The following RC3H2 variants were observed in gnomAD, a reference collection of about 807,000 sequenced individuals.
The protein encoded by RC3H2 is roquin-2.
Under a neutral mutation model 133.3 loss-of-function variants are expected in RC3H2, and 31 were observed. That is an observed-to-expected ratio of 0.23 (90% CI 0.17 to 0.31). The LOEUF (loss-of-function observed/expected upper bound fraction) is 0.31, where lower values mean the gene tolerates loss of function less well. Among genes scored for constraint, RC3H2 ranks in the 10% least tolerant of loss-of-function variants. The probability of loss-of-function intolerance (pLI) is 1.00; values close to 1 mark genes in which losing one functional copy is unlikely to be tolerated. For synonymous variants in RC3H2, 517 were observed against 502.2 expected (o/e 1.03, Z -0.40); for missense variants, 1,175 against 1,437.2 (o/e 0.82, Z 2.95).
intron 4 of RC3H2, 47 bp downstream of exon 4, chr9:122,890,265 C>T: frequency 1.3e-6 from 2 of 1,495,680 alleles, no homozygotes; most frequent in Non-Finnish European, 1.9e-6. Context: ...TTGGCATCCT[C>T]AAGCCCCAAT....
chr9:122,851,124 G>T lies in RC3H2; in HGVS notation c.3337C>A (p.Pro1113Thr). 1.2e-6 allele frequency: 2 copies of T among 1,614,074 alleles called. No homozygotes were observed. The highest frequency in any genetic ancestry group is 1.7e-6 in the Non-Finnish European group (2 of 1,180,026). The part of the protein sequence containing the change: ...HPVQQHQKEP[P>T]KQKKQSLGED... ...CCTAAACTCTGTTTCTTCTGCTTTG[G>T]TGGCTCCTTTTGGTGCTGCTGTACT... The change falls in exon 20 of 21, where the codon CCA (proline) becomes ACA (threonine). Residue 1113 changes from proline (P) to threonine (T), a missense_variant. Coordinates refer to ENST00000357244, the MANE Select transcript of RC3H2 (RefSeq NM_001100588.3).
chr9:122,851,521 T>C (rs1213236942), intron 18 of RC3H2, 85 bp from the exon 19 acceptor site: 2 of 1,520,490 alleles, frequency 1.3e-6, no homozygotes, highest in African/African-American at 1.4e-5. Flanking sequence ...TCTCCCTCTC[T>C]TTCCATGGTC....
chr9:122,845,295 T>C lies in RC3H2; in HGVS notation c.*4332A>G, dbSNP rs976048729. The C allele has an allele frequency of 6.6e-6, 1 of 152,220 alleles. No individual in the cohort carries two copies. The highest frequency in any genetic ancestry group is 2.4e-5 in the African/African-American group (1 of 41,462). The allele number at this position is 152,220 out of a possible 1,614,324, so 9.4% of individuals were successfully genotyped here. A position where few individuals can be genotyped will look rare whatever the true frequency, so the allele number is the denominator to read the frequency against. On this transcript the variant is annotated 3_prime_UTR_variant, in exon 21 of 21. Coordinates refer to ENST00000357244, the MANE Select transcript of RC3H2 (RefSeq NM_001100588.3). ...AGCAGTTGCTGCAAGCTAACCACGA[T>C]ACTCCCAAGTGGCTGTACAGTGGAT...
At chr9:122,905,048 A>G (rs1832789866) in intron 1 of RC3H2, 62 bp downstream of exon 1, 1 of 972,232 alleles carries the variant, frequency 1.0e-6, no homozygotes, top group Admixed American at 6.2e-5. Context: ...CTCCCGCCCG[A>G]CCGCCGGGGA....
At chr9:122,901,742 C>A (rs1234604921) in intron 1 of RC3H2, among the ~76,000 whole-genome samples, 3 of 150,306 alleles carry the variant, frequency 2.0e-5, no homozygotes, top group East Asian at 2.0e-4. Context: ...CAAGTGCGCA[C>A]CACCATGCCC....
Position 122,883,344 on chromosome 9 carries a change from C to A in RC3H2, c.619G>T (p.Ala207Ser). 1 of 1,610,648 alleles carries A rather than the reference C, an allele frequency of 6.2e-7. No homozygotes were observed. Among genetic ancestry groups the A allele is most frequent in the Non-Finnish European group, 8.5e-7 (1 of 1,178,862 alleles). Reference protein sequence around the residue: ...QEEALKLVLLALEDGSALSRK... With the variant: ...QEEALKLVLLSLEDGSALSRK... ...GAGAGGGCAGAACCATCTTCTAATG[C>A]CAGTAACACCAGCTTCAAGGCCTCT... is the stretch of plus-strand genomic sequence containing the variant. Residue 207 changes from alanine to serine, a missense_variant, in exon 5 of 21, where the codon GCA becomes TCA. By Grantham distance (99) the Ala-to-Ser change is moderately conservative. Around this residue, in one of 8 missense-constraint regions of RC3H2, gnomAD observed 121 missense variants for 243.5 expected, o/e 0.50. Coordinates refer to ENST00000357244, the MANE Select transcript of RC3H2 (RefSeq NM_001100588.3).
At chr9:122,891,750 C>A (rs1832185119) in intron 3 of RC3H2, among the ~76,000 whole-genome samples, 1 of 152,144 alleles carries the variant, frequency 6.6e-6, no homozygotes, top group South Asian at 2.1e-4. Context: ...TCACTATGGC[C>A]ACATACACAA....
intron 4 of RC3H2, among the ~76,000 whole-genome samples, chr9:122,885,862 C>T (rs746685111): frequency 3.9e-5 from 6 of 151,954 alleles, no homozygotes; most frequent in Admixed American, 1.3e-4. Context: ...TTTCATTTAA[C>T]GTGTTTTTTG....
intron 13 of RC3H2, 32 bp from the exon 14 acceptor site, chr9:122,855,910 G>A: frequency 6.4e-7 from 1 of 1,566,720 alleles, no homozygotes; most frequent in Admixed American, 1.9e-5. Context: ...AAGCCAATTA[G>A]TAAGAAGCTT....
rs1374436218 is a variant in RC3H2 at position 122,847,549 on chromosome 9, G to A, written c.*2078C>T. On this transcript the variant is annotated 3_prime_UTR_variant, in exon 21 of 21. Transcript: ENST00000357244. ...TACAAACAGCAAATAAAGTACATTGGAAGCATTTCAAATGTAATAAGCACA... is the reference window on the plus strand; with the variant it reads ...TACAAACAGCAAATAAAGTACATTGAAAGCATTTCAAATGTAATAAGCACA... The A allele has an allele frequency of 6.6e-6, 1 of 152,064 alleles. No homozygotes were observed. The highest frequency in any genetic ancestry group is 1.5e-5 in the Non-Finnish European group (1 of 67,960). The allele number at this position is 152,064 out of a possible 1,614,324, so 9.4% of individuals were successfully genotyped here.
At chr9:122,882,710 T>C (rs1831701900) in intron 5 of RC3H2, among the ~76,000 whole-genome samples, 1 of 152,158 alleles carries the variant, frequency 6.6e-6, no homozygotes, top group Non-Finnish European at 1.5e-5. Context: ...AAAAACAACA[T>C]CTAAAAGCAG....
chr9:122,854,211 C>A lies in RC3H2; in HGVS notation c.2956G>T (p.Asp986Tyr), dbSNP rs975491704. The change falls in exon 17 of 21, where the codon GAC becomes TAC. Residue 986 changes from aspartate (D) to tyrosine (Y), a missense_variant. Coordinates refer to ENST00000357244, the MANE Select transcript of RC3H2 (RefSeq NM_001100588.3). ...TGCTGAAGTTCAAGGCTCAAAAGGT[C>A]CCCAGTACTGGAATGCTTTCTATGA... ...SGHRKHSSTG[D>Y]LLSLELQQAK... 1.9e-6 allele frequency: 3 copies of A among 1,613,774 alleles called. No individual in the cohort carries two copies. The highest frequency in any genetic ancestry group is 1.1e-5 in the South Asian group (1 of 91,060).
At position 122,844,967 on chromosome 9, in the gene RC3H2, G is replaced by A. The variant is rs1480800232; in HGVS notation, c.*4660C>T. On this transcript the variant is annotated 3_prime_UTR_variant, in exon 21 of 21. Coordinates refer to ENST00000357244, the MANE Select transcript of RC3H2 (RefSeq NM_001100588.3). The stretch of plus-strand genomic sequence containing the variant: ...AGTTTTAAATAGAAGCTGAGTATAT[G>A]CCTTAAAAATGAGCATTAAATCCAT... The A allele has an allele frequency of 6.6e-6, 1 of 152,196 alleles. No homozygotes were observed. The highest frequency in any genetic ancestry group is 1.5e-5 in the Non-Finnish European group (1 of 68,036). The allele number at this position is 152,196 out of a possible 1,614,324, so 9.4% of individuals were successfully genotyped here. A position where few individuals can be genotyped will look rare whatever the true frequency, so the allele number is the denominator to read the frequency against.
At chr9:122,854,699 T>G in intron 15 of RC3H2, 84 bp from the exon 16 acceptor site, 2 of 890,414 alleles carry the variant, frequency 2.2e-6, no homozygotes, top group Non-Finnish European at 3.8e-6. Context: ...AAAATAGATC[T>G]GTATTTTATC....
intron 2 of RC3H2, among the ~76,000 whole-genome samples, chr9:122,896,162 C>T (rs745404836): frequency 6.6e-6 from 1 of 151,380 alleles, no homozygotes; most frequent in African/African-American, 2.4e-5. Context: ...TGTTGGGCTG[C>T]ATTCAAAGCT....
chr9:122,892,348 A>T lies in RC3H2; in HGVS notation c.349+561T>A, dbSNP rs140725070. On this transcript the variant is annotated intron_variant, in intron 3 of 20. Coordinates refer to ENST00000357244, the MANE Select transcript of RC3H2 (RefSeq NM_001100588.3). The stretch of plus-strand genomic sequence containing the variant: ...GGCTGGTCTCAAACTCCTGGGCTCA[A>T]GAAATCTACCCACCTTAGCCTTATA... Among the ~76,000 whole-genome samples, 291 of 152,256 alleles carry T rather than the reference A, an allele frequency of 1.9e-3. 1 individual carries two copies. The highest frequency in any genetic ancestry group is 2.8e-3 in the Non-Finnish European group (188 of 68,018).
intron 10 of RC3H2, among the ~76,000 whole-genome samples, chr9:122,864,469 G>C (rs1031792818): frequency 6.6e-6 from 1 of 152,000 alleles, no homozygotes; most frequent in Non-Finnish European, 1.5e-5. Flanking sequence ...CTTAATCCTC[G>C]CAACCAACAT....
rs762960276 is a variant in RC3H2 at position 122,859,088 on chromosome 9, G to A, written c.1864C>T (p.Pro622Ser). 12 of 1,567,468 alleles carry A rather than the reference G, an allele frequency of 7.7e-6. No homozygotes were observed. In the South Asian group the frequency reaches 1.2e-4, roughly 15 times the overall value. ...QYPQTGYYPP[P>S]PTVPAGVAPC... ...GCCACACCAGCTGGTACCGTTGGAG[G>A]TGGTGGATAGTATCCTTGAAAATTG... The change falls in exon 12 of 21, where the codon CCT (proline) becomes TCT (serine). Residue 622 changes from proline to serine, a missense_variant. Physicochemically the swap from Pro to Ser is moderately conservative, Grantham distance 74 (BLOSUM62 -1). Around this residue, in one of 8 missense-constraint regions of RC3H2, gnomAD observed 490 missense variants for 492.8 expected, o/e 0.99. Coordinates refer to ENST00000357244, the MANE Select transcript of RC3H2 (RefSeq NM_001100588.3).
intron 4 of RC3H2, among the ~76,000 whole-genome samples, chr9:122,883,764 T>C (rs1434493403): frequency 6.6e-6 from 1 of 152,106 alleles, no homozygotes. Context: ...GGACGACTGT[T>C]TGAGCCCAGG....
Sources: allele counts gnomAD v4.1 joint callset (sites outside exome capture counted in the v4.1 genomes callset), GRCh38; gene constraint gnomAD v4.1.1; regional missense constraint gnomAD v4.1.1; transcripts MANE v1.5; gene names NCBI Gene and HGNC (gene_info 2026-07-23, HGNC 2026-07-21).